The following LRRC72 variants were observed in gnomAD, a reference collection of about 807,000 sequenced individuals.
LRRC72 encodes the protein leucine-rich repeat-containing protein 72.
Under a neutral mutation model 35.8 loss-of-function variants are expected in LRRC72, and 41 were observed. The ratio of observed to expected loss-of-function variants is 1.15; its 90% CI spans 0.89 to 1.49. The LOEUF is 1.49. Ranked by LOEUF, LRRC72 falls within the 40% of genes most tolerant of loss-of-function variation. LRRC72 has a pLI of 0.00. For synonymous variants in LRRC72, 118 were observed against 119.2 expected (o/e 0.99, Z 0.07); for missense variants, 389 against 330.7 (o/e 1.18, Z -1.37).
At chr7:16,572,378 G>A (rs936204088) in intron 7 of LRRC72, among the ~76,000 whole-genome samples, 1 of 152,156 alleles carries the variant, frequency 6.6e-6, no homozygotes, top group South Asian at 2.1e-4. Flanking sequence ...CAATATCCCT[G>A]ACGAACATCA....
chr7:16,553,290 C>A (rs518011), intron 3 of LRRC72, among the ~76,000 whole-genome samples: 101,756 of 152,058 alleles, frequency 0.67, 34,548 homozygotes, highest in African/African-American at 0.79. Flanking sequence ...GATGTAATAT[C>A]TGCCAATCTT....
At chr7:16,572,648 T>G (rs937379118) in intron 7 of LRRC72, among the ~76,000 whole-genome samples, 1 of 152,284 alleles carries the variant, frequency 6.6e-6, no homozygotes, top group African/African-American at 2.4e-5. Context: ...TGAAGGAACA[T>G]ATATCAAAAT....
At chr7:16,547,232 C>T (rs1242988008) in intron 3 of LRRC72, among the ~76,000 whole-genome samples, 1 of 152,204 alleles carries the variant, frequency 6.6e-6, no homozygotes, top group Non-Finnish European at 1.5e-5. Flanking sequence ...CCACCAGAGC[C>T]TGCCACCCTG....
intron 5 of LRRC72, among the ~76,000 whole-genome samples, chr7:16,559,226 T>G (rs1013820797): frequency 1.5e-4 from 23 of 152,182 alleles, no homozygotes; most frequent in Admixed American, 1.2e-3. Context: ...AAACCCTGCC[T>G]CTACCAAAAA....
chr7:16,536,640 A>C (rs1782263226), intron 2 of LRRC72, among the ~76,000 whole-genome samples: 1 of 150,096 alleles, frequency 6.7e-6, no homozygotes, highest in Non-Finnish European at 1.5e-5. Context: ...TCAATATAAA[A>C]AGTTGGCAAA....
At chr7:16,560,261 G>T (rs1003485368) in intron 5 of LRRC72, among the ~76,000 whole-genome samples, 22 of 152,256 alleles carry the variant, frequency 1.4e-4, no homozygotes, top group African/African-American at 5.1e-4. Context: ...TTGAACAGTT[G>T]TAAGCTAGTA....
At chr7:16,567,627 C>A (rs1282964674) in intron 7 of LRRC72, 84 bp downstream of exon 7, 18 of 1,095,912 alleles carry the variant, frequency 1.6e-5, no homozygotes, top group Non-Finnish European at 2.2e-5. Context: ...GTAATAATAA[C>A]AACTACAATT....
In LRRC72 at chr7:16,554,406, T is replaced by C. The variant is rs562124547; in HGVS notation, c.235-2954T>C. Among the ~76,000 whole-genome samples the C allele has an allele frequency of 4.6e-5, 7 of 152,326 alleles. No individual in the cohort carries two copies. In the South Asian group the frequency reaches 1.5e-3, roughly 32 times the overall value. The stretch of plus-strand genomic sequence containing the variant: ...AGGACAATAGCATATCTTATAATGT[T>C]CCTGACCTTAACAACTTGCTATCTT... On this transcript the variant is annotated intron_variant, in intron 3 of 8. Coordinates refer to ENST00000401542, the MANE Select transcript of LRRC72 (RefSeq NM_001195280.2).
chr7:16,565,801 G>A (rs747578760), intron 5 of LRRC72, among the ~76,000 whole-genome samples: 3 of 152,186 alleles, frequency 2.0e-5, no homozygotes, highest in Non-Finnish European at 2.9e-5. Flanking sequence ...GAGATCTGAA[G>A]CTACTATTGA....
chr7:16,537,894 T>C (rs912884479), intron 3 of LRRC72, among the ~76,000 whole-genome samples, 198 bp downstream of exon 3: 1 of 152,140 alleles, frequency 6.6e-6, no homozygotes. Flanking sequence ...ATGAGATACA[T>C]TGAATAAGGG....
intron 3 of LRRC72, among the ~76,000 whole-genome samples, chr7:16,542,762 T>C (rs1782378992): frequency 6.6e-6 from 1 of 152,232 alleles, no homozygotes; most frequent in East Asian, 1.9e-4. Context: ...GTGTAGCTTT[T>C]TTATCTTAGT....
chr7:16,558,767 C>G, intron 4 of LRRC72, 122 bp from the exon 5 acceptor site: 1 of 383,924 alleles, frequency 2.6e-6, no homozygotes, highest in Non-Finnish European at 4.7e-6. Context: ...AACCAGCTAT[C>G]ATATGTTTTC....
chr7:16,537,756 C>A, intron 3 of LRRC72, 60 bp downstream of exon 3: 1 of 926,598 alleles, frequency 1.1e-6, no homozygotes, highest in Middle Eastern at 3.2e-4. Context: ...ATTTTGTATT[C>A]CTAATAGAGC....
At chr7:16,535,247 T>C (rs1782233466) in intron 2 of LRRC72, among the ~76,000 whole-genome samples, 1 of 152,120 alleles carries the variant, frequency 6.6e-6, no homozygotes, top group Non-Finnish European at 1.5e-5. Flanking sequence ...GCCAGGGAAG[T>C]GCTCAAAAAC....
chr7:16,567,847 A>G (rs894775863), intron 7 of LRRC72, among the ~76,000 whole-genome samples: 2 of 152,118 alleles, frequency 1.3e-5, no homozygotes, highest in African/African-American at 2.4e-5. Context: ...TAAATAAGCC[A>G]TTGTTATTTT....
At chr7:16,577,121 T>G (rs1783056289) in intron 7 of LRRC72, among the ~76,000 whole-genome samples, 1 of 152,150 alleles carries the variant, frequency 6.6e-6, no homozygotes, top group Admixed American at 6.5e-5. Context: ...TACCTATGCA[T>G]GAAGGTTCAG....
At chr7:16,531,513 T>C (rs910714072) in intron 1 of LRRC72, among the ~76,000 whole-genome samples, 21 of 152,220 alleles carry the variant, frequency 1.4e-4, no homozygotes, top group African/African-American at 5.1e-4. Context: ...GCAAAACCAC[T>C]GTCAAAATTT....
chr7:16,527,432 C>A (rs969739437), intron 1 of LRRC72, among the ~76,000 whole-genome samples: 2 of 151,428 alleles, frequency 1.3e-5, no homozygotes, highest in African/African-American at 4.9e-5. Context: ...AAGTAAATTT[C>A]GCAGTCTTGA....
At chr7:16,565,087 T>C (rs1204448146) in intron 5 of LRRC72, among the ~76,000 whole-genome samples, 1 of 152,162 alleles carries the variant, frequency 6.6e-6, no homozygotes, top group African/African-American at 2.4e-5. Flanking sequence ...TGGTTCTCCT[T>C]ATTAGGTGTA....
Sources: allele counts gnomAD v4.1 joint callset (sites outside exome capture counted in the v4.1 genomes callset), GRCh38; gene constraint gnomAD v4.1.1; transcripts MANE v1.5; gene names NCBI Gene and HGNC (gene_info 2026-07-23, HGNC 2026-07-21).